Variants in LGSN observed in about 807,000 individuals in gnomAD.
LGSN encodes lengsin, lens protein with glutamine synthetase domain.
LGSN carries 21 observed loss-of-function variants against 19.5 expected under a neutral mutation model. That is an observed-to-expected ratio of 1.07 (90% CI 0.76 to 1.55). LGSN has a LOEUF of 1.55. LGSN is among the 40% of genes most tolerant of loss of function. The pLI is 0.00. For missense variants in LGSN, 673 were observed against 608.5 expected (o/e 1.11, Z -1.12); for synonymous variants, 257 against 215.6 (o/e 1.19, Z -1.68).
At chr6:63,391,058 G>T in the LGSN span, among the ~76,000 whole-genome samples, 2 of 152,056 alleles carry the variant, frequency 1.3e-5, no homozygotes, top group African/African-American at 4.8e-5. Context: ...TAGACAAATA[G>T]AATTACTAAG....
At chr6:63,534,351 A>G in the LGSN span, among the ~76,000 whole-genome samples, 2 of 152,066 alleles carry the variant, frequency 1.3e-5, no homozygotes. Flanking sequence ...GTTAGGAGCA[A>G]TGGTTCTCTG....
chr6:63,492,034 A>AG, the LGSN span, among the ~76,000 whole-genome samples: 31 of 151,538 alleles, frequency 2.0e-4, no homozygotes, highest in African/African-American at 6.0e-4. Context: ...CATCTCAAAA[A>AG]AAAAAAAAAA....
the LGSN span, chr6:63,572,426 T>C: frequency 1.1e-5 from 4 of 362,108 alleles, no homozygotes; most frequent in South Asian, 4.3e-4. Context: ...GATTGGTGGC[T>C]GGAGGGTTGC....
the LGSN span, among the ~76,000 whole-genome samples, chr6:63,437,259 C>G: frequency 2.0e-5 from 3 of 151,866 alleles, no homozygotes; most frequent in Non-Finnish European, 4.4e-5. Flanking sequence ...CACCAAAATA[C>G]CATTTTTTTT....
At chr6:63,542,022 GGTGTGTGT>G in the LGSN span, among the ~76,000 whole-genome samples, 15,036 of 146,776 alleles carry the variant, frequency 0.1, 780 homozygotes, top group East Asian at 0.16. Context: ...AAGAAACTGT[GGTGTGTGT>G]GTGTGTGTGT....
chr6:63,323,297 A>G (rs1044833144), upstream of LGSN, among the ~76,000 whole-genome samples: 9 of 152,184 alleles, frequency 5.9e-5, no homozygotes, highest in Admixed American at 3.3e-4. Flanking sequence ...TGTTACATGA[A>G]TATAGTGCAT....
At chr6:63,281,970 G>A (rs763073104) in intron 3 of LGSN, among the ~76,000 whole-genome samples, 7 of 152,126 alleles carry the variant, frequency 4.6e-5, no homozygotes, top group South Asian at 4.1e-4. Context: ...TAGCTCTTTC[G>A]TTAATTGCTT....
chr6:63,320,693 A>G (rs1352706835), upstream of LGSN, among the ~76,000 whole-genome samples: 2 of 152,326 alleles, frequency 1.3e-5, no homozygotes, highest in African/African-American at 4.8e-5. Context: ...TTCTGCTGCT[A>G]TCAACTCAAC....
At chr6:63,315,116 G>T (rs1768787642) in intron 1 of LGSN, among the ~76,000 whole-genome samples, 1 of 152,206 alleles carries the variant, frequency 6.6e-6, no homozygotes, top group African/African-American at 2.4e-5. Flanking sequence ...GTGGCATTTA[G>T]ATGTATCCTT....
chr6:63,526,257 G>A, the LGSN span, among the ~76,000 whole-genome samples: 15 of 151,984 alleles, frequency 9.9e-5, no homozygotes, highest in African/African-American at 1.7e-4. Context: ...CCAGGGAGGC[G>A]GAGGTTGCAG....
the LGSN span, among the ~76,000 whole-genome samples, chr6:63,329,949 C>T: frequency 3.3e-5 from 5 of 152,336 alleles, no homozygotes; most frequent in African/African-American, 1.2e-4. Context: ...GAGATTAACA[C>T]TGAGAAGGCC....
the LGSN span, among the ~76,000 whole-genome samples, chr6:63,554,933 A>G: frequency 6.6e-6 from 1 of 152,248 alleles, no homozygotes; most frequent in African/African-American, 2.4e-5. Flanking sequence ...TTATGTTAGA[A>G]TCATACAAAG....
the LGSN span, among the ~76,000 whole-genome samples, chr6:63,511,335 C>G: frequency 3.4e-5 from 5 of 149,124 alleles, no homozygotes. Context: ...CTCACTGAAA[C>G]CTCCGCCTCC....
intron 3 of LGSN, among the ~76,000 whole-genome samples, chr6:63,284,389 A>T (rs1009483071): frequency 6.6e-6 from 1 of 151,368 alleles, no homozygotes; most frequent in Admixed American, 6.6e-5. Flanking sequence ...GCAGTTGGAT[A>T]AAAAAAAGTA....
chr6:63,392,881 C>CTTTTTTTT, the LGSN span, among the ~76,000 whole-genome samples: 193 of 109,884 alleles, frequency 1.8e-3, no homozygotes, highest in African/African-American at 5.1e-3. Flanking sequence ...TCTTCTTCTT[C>CTTTTTTTT]TTTTTTTTTT....
chr6:63,355,064 A>G, the LGSN span, among the ~76,000 whole-genome samples: 3 of 152,218 alleles, frequency 2.0e-5, no homozygotes, highest in East Asian at 5.8e-4. Flanking sequence ...GGGTGACTAC[A>G]GTAAACAACA....
chr6:63,416,170 C>T, the LGSN span, among the ~76,000 whole-genome samples: 3 of 148,100 alleles, frequency 2.0e-5, no homozygotes, highest in African/African-American at 5.0e-5. Flanking sequence ...CTCCATGGCT[C>T]ATCTCTGAAA....
the LGSN span, among the ~76,000 whole-genome samples, chr6:63,350,786 A>G: frequency 6.6e-6 from 1 of 151,422 alleles, no homozygotes; most frequent in Non-Finnish European, 1.5e-5. Context: ...TGTGGGGCAG[A>G]GGTTACGGTG....
the LGSN span, among the ~76,000 whole-genome samples, chr6:63,521,318 G>A: frequency 1.3e-5 from 2 of 152,234 alleles, no homozygotes; most frequent in East Asian, 1.9e-4. Flanking sequence ...CTGGCTTGTC[G>A]TATTCTAGCA....
Sources: gnomAD v4.1 joint callset for allele counts (sites outside exome capture counted in the v4.1 genomes callset) on GRCh38, gnomAD v4.1.1 for gene constraint, MANE v1.5 for transcripts, NCBI Gene and HGNC (gene_info 2026-07-23, HGNC 2026-07-21) for gene names.